The following CDC42BPB variants were observed in gnomAD, a reference collection of about 807,000 sequenced individuals.
The protein encoded by CDC42BPB is serine/threonine-protein kinase MRCK beta.
A neutral mutation model predicts 214.9 loss-of-function variants in CDC42BPB; 37 were observed. The ratio of observed to expected loss-of-function variants is 0.17; its 90% confidence interval spans 0.13 to 0.23. CDC42BPB has a LOEUF of 0.23. Ranked by LOEUF, CDC42BPB falls within the 10% of genes least tolerant of loss-of-function variation. The pLI is 1.00. For synonymous variants in CDC42BPB, 931 were observed against 884.0 expected (o/e 1.05, Z -0.94); for missense variants, 1,694 against 2,227.0 (o/e 0.76, Z 4.82).
chr14:102,932,568 T>G lies in CDC42BPB; in HGVS notation c.*1144A>C, dbSNP rs939431101. 3.9e-5 allele frequency: 6 copies of G among 152,158 alleles called. No individual in the cohort carries two copies. The highest frequency in any genetic ancestry group is 1.5e-4 in the African/African-American group (6 of 41,296). The allele number at this position is 152,158 out of a possible 1,614,324, so 9.4% of individuals were successfully genotyped here. On this transcript the variant is annotated 3_prime_UTR_variant, in exon 37 of 37. Coordinates refer to ENST00000361246, the MANE Select transcript of CDC42BPB (RefSeq NM_006035.4). ...GCAGGGCTAGGCGGTGCTGGGCCAC[T>G]CAGTGCCGACTTGGGGAAGTGCACG...
intron 13 of CDC42BPB, 34 bp from the exon 14 acceptor site, chr14:102,970,295 A>T: frequency 6.3e-7 from 1 of 1,583,654 alleles, no homozygotes; most frequent in Non-Finnish European, 8.6e-7. Flanking sequence ...TATTAACAAA[A>T]AGCGAGCCCT....
In CDC42BPB at chr14:103,020,477, G is replaced by C. The variant is rs535022067; in HGVS notation, c.176-8289C>G. ...GGCAGCTGCAGGGGAGGCACCTACC[G>C]ACGGCCCAGCAAGACCTACGCGGAG... On this transcript the variant is annotated intron_variant, in intron 1 of 36. Coordinates refer to ENST00000361246, the MANE Select transcript of CDC42BPB (RefSeq NM_006035.4). Among the ~76,000 whole-genome samples, 3 of 152,346 alleles carry C rather than the reference G, an allele frequency of 2.0e-5. No homozygotes were observed. In the East Asian group the frequency reaches 5.8e-4, roughly 29 times the overall value.
intron 25 of CDC42BPB, chr14:102,950,179 G>T (rs1595458348): frequency 3.5e-6 from 3 of 855,922 alleles, no homozygotes; most frequent in Non-Finnish European, 4.2e-6. Context: ...GTAGAGGTGG[G>T]CCTGGCACAG....
At chr14:102,974,183 AT>A (rs1184721987) in intron 11 of CDC42BPB, 34 bp from the exon 12 acceptor site, 2 of 1,609,332 alleles carry the variant, frequency 1.2e-6, no homozygotes, top group Non-Finnish European at 1.7e-6. Context: ...CTGTTCCTTT[AT>A]GTGCAATGAC....
chr14:102,957,555 G>A (rs562020639), intron 21 of CDC42BPB, among the ~76,000 whole-genome samples: 1 of 152,208 alleles, frequency 6.6e-6, no homozygotes, highest in Non-Finnish European at 1.5e-5. Context: ...AAGATCTGGC[G>A]GGCACTTACC....
At chr14:102,980,746 C>T (rs1893960359) in intron 8 of CDC42BPB, 27 bp downstream of exon 8, 2 of 1,611,672 alleles carry the variant, frequency 1.2e-6, no homozygotes, top group Non-Finnish European at 1.7e-6. Flanking sequence ...CAGCCAGCAA[C>T]CCTGAGAACG....
intron 8 of CDC42BPB, among the ~76,000 whole-genome samples, chr14:102,979,591 G>C (rs1265675407): frequency 2.6e-5 from 4 of 152,152 alleles, no homozygotes; most frequent in Non-Finnish European, 4.4e-5. Context: ...AAACTACTAG[G>C]AGTTTCCCCA....
intron 16 of CDC42BPB, among the ~76,000 whole-genome samples, chr14:102,967,651 G>T (rs1893274279): frequency 6.6e-6 from 1 of 152,238 alleles, no homozygotes; most frequent in Non-Finnish European, 1.5e-5. Context: ...GACGCTGCCG[G>T]CGGCTGTAGC....
intron 35 of CDC42BPB, 58 bp downstream of exon 35, chr14:102,938,248 C>T (rs1891726850): frequency 1.2e-6 from 2 of 1,600,376 alleles, no homozygotes; most frequent in Non-Finnish European, 1.7e-6. Context: ...TCTCCCCATT[C>T]CAGCACCCCC....
chr14:102,966,499 A>C, intron 17 of CDC42BPB, 112 bp from the exon 18 acceptor site: 1 of 1,507,134 alleles, frequency 6.6e-7, no homozygotes, highest in Non-Finnish European at 8.9e-7. Context: ...GTGTCACGTC[A>C]GCTAGAGTGC....
intron 15 of CDC42BPB, 46 bp downstream of exon 15, chr14:102,968,426 G>C: frequency 1.2e-6 from 2 of 1,612,966 alleles, no homozygotes; most frequent in Non-Finnish European, 1.7e-6. Flanking sequence ...CTATGGCGTG[G>C]GTATCAGCTT....
Position 103,001,561 on chromosome 14 carries a change from G to A in CDC42BPB, c.448-1848C>T, listed in dbSNP as rs1894983499. 6.6e-6 allele frequency among the ~76,000 whole-genome samples: 1 copy of A among 152,222 alleles called. No homozygotes were observed. Among genetic ancestry groups the A allele is most frequent in the Non-Finnish European group, 1.5e-5 (1 of 68,034 alleles). The stretch of plus-strand genomic sequence containing the variant: ...GGGAGGGCCGGCCACAGTGGGGGCT[G>A]CAGCCCCACACTCAGAGCAGTGAGT... On this transcript the variant is annotated intron_variant, in intron 4 of 36. Transcript: ENST00000361246. This position sits in a 1 kb window ranked among gnomAD's most constrained non-coding sequence, Gnocchi z 5.8.
chr14:102,934,833 C>A (rs1891571160), intron 36 of CDC42BPB, among the ~76,000 whole-genome samples: 1 of 151,816 alleles, frequency 6.6e-6, no homozygotes, highest in Admixed American at 6.6e-5. Context: ...CAGTGAAACC[C>A]TGTCTCTGCT....
At chr14:102,991,346 T>C (rs534288311) in intron 5 of CDC42BPB, among the ~76,000 whole-genome samples, 13 of 152,310 alleles carry the variant, frequency 8.5e-5, no homozygotes, top group Admixed American at 3.3e-4. Flanking sequence ...CAAGGGACAC[T>C]GTATTCGCCA....
At chr14:102,948,058 AC>A in intron 26 of CDC42BPB, 2 of 741,256 alleles carry the variant, frequency 2.7e-6, no homozygotes, top group Non-Finnish European at 3.3e-6. Flanking sequence ...GTGCCTCCAG[AC>A]TATGCCAGTT....
At chr14:103,045,531 T>G (rs1470153684) in intron 1 of CDC42BPB, among the ~76,000 whole-genome samples, 1 of 152,048 alleles carries the variant, frequency 6.6e-6, no homozygotes. Flanking sequence ...TATTTCCACT[T>G]TCAACACTTC....
chr14:103,049,083 G>A (rs1207759041), intron 1 of CDC42BPB, among the ~76,000 whole-genome samples: 4 of 152,190 alleles, frequency 2.6e-5, no homozygotes, highest in Admixed American at 6.6e-5. Context: ...AAAAGAGCAA[G>A]GGGTGAATGT....
chr14:102,968,752 T>C lies in CDC42BPB; in HGVS notation c.1996-36A>G, dbSNP rs373262875. The C allele has an allele frequency of 1.9e-6, 3 of 1,608,700 alleles. No individual in the cohort carries two copies. In the African/African-American group the frequency reaches 4.0e-5, roughly 22 times the overall value. ...AGGTTAACATAAATTGACAAACCTC[T>C]GTGTCCTCAAGGGTCACACTGTCCT... On this transcript the variant is annotated intron_variant, in intron 14 of 36. Transcript: ENST00000361246.
chr14:103,047,473 C>T (rs927083990), intron 1 of CDC42BPB, among the ~76,000 whole-genome samples: 4 of 152,104 alleles, frequency 2.6e-5, no homozygotes, highest in Non-Finnish European at 5.9e-5. Context: ...TGGAAACCAT[C>T]GTGGTCTCCG....
Sources: gnomAD v4.1 joint callset for allele counts (sites outside exome capture counted in the v4.1 genomes callset) on GRCh38, gnomAD v4.1.1 for gene constraint, Gnocchi (gnomAD v3.1) non-coding constraint, MANE v1.5 for transcripts, NCBI Gene and HGNC (gene_info 2026-07-23, HGNC 2026-07-21) for gene names.